Variants in PRKCA observed in about 807,000 individuals in gnomAD.
PRKCA encodes protein kinase C alpha, also known as protein kinase C alpha type.
PRKCA carries 27 observed loss-of-function variants against 87.0 expected under a neutral mutation model. The ratio of observed to expected loss-of-function variants is 0.31; its 90% CI spans 0.23 to 0.43. The LOEUF is 0.43. PRKCA is among the 20% of genes least tolerant of loss of function. The probability of loss-of-function intolerance (pLI) is 1.00; values close to 1 mark genes in which losing one functional copy is unlikely to be tolerated. For missense variants in PRKCA, 518 were observed against 852.3 expected, an observed-to-expected ratio of 0.61 and a Z score of 4.88; for synonymous variants, 329 against 311.1, an observed-to-expected ratio of 1.06 and a Z score of -0.61.
chr17:66,681,136 G>T (rs536440025), intron 5 of PRKCA, among the ~76,000 whole-genome samples: 1 of 152,144 alleles, frequency 6.6e-6, no homozygotes, highest in South Asian at 2.1e-4. Flanking sequence ...GGCTGACGCA[G>T]GAGACTCACT....
chr17:66,594,647 T>C (rs1969918819), intron 3 of PRKCA, among the ~76,000 whole-genome samples: 1 of 152,128 alleles, frequency 6.6e-6, no homozygotes, highest in Non-Finnish European at 1.5e-5. Flanking sequence ...TTTGGCACAT[T>C]TACAGTTAAA....
chr17:66,731,824 G>A (rs62072411), intron 8 of PRKCA, among the ~76,000 whole-genome samples: 8,504 of 115,808 alleles, frequency 0.073, 388 homozygotes, highest in African/African-American at 0.15. Context: ...TTGCTCTGTC[G>A]CCAGGCTGGA....
At chr17:66,649,635 A>G (rs11868939) in intron 5 of PRKCA, among the ~76,000 whole-genome samples, 1,750 of 152,214 alleles carry the variant, frequency 0.011, 13 homozygotes, top group Non-Finnish European at 0.02. Flanking sequence ...AGTCTCTCTT[A>G]TTAATTAGAG....
In PRKCA at chr17:66,702,268, G is replaced by A. The variant is rs188607855; in HGVS notation, c.918+13221G>A. ...TTTAAAAAGAAGAAACATTTGTAAC[G>A]CATGGATGAACCTGGAGGACATTAT... On this transcript the variant is annotated intron_variant, in intron 8 of 16. Transcript: ENST00000413366. Among the ~76,000 whole-genome samples the A allele has an allele frequency of 6.1e-3, 925 of 152,086 alleles. 26 individuals are homozygous for A. Among genetic ancestry groups the A allele is most frequent in the Admixed American group, 0.052 (801 of 15,280 alleles).
intron 3 of PRKCA, among the ~76,000 whole-genome samples, chr17:66,543,089 TATA>T (rs1296523160): frequency 1.3e-5 from 2 of 152,220 alleles, no homozygotes; most frequent in Non-Finnish European, 2.9e-5. Flanking sequence ...TTATAGTCAG[TATA>T]ATGTTTAATG....
chr17:66,433,538 G>GT (rs1397142862), intron 2 of PRKCA, among the ~76,000 whole-genome samples: 1 of 152,006 alleles, frequency 6.6e-6, no homozygotes, highest in Admixed American at 6.6e-5. Flanking sequence ...GATCTGAGGA[G>GT]TTTTTTTCAT....
intron 13 of PRKCA, among the ~76,000 whole-genome samples, chr17:66,765,958 C>A (rs1568021432): frequency 6.6e-6 from 1 of 152,216 alleles, no homozygotes; most frequent in Non-Finnish European, 1.5e-5. Context: ...CCCGTGTTAT[C>A]TGGTACACAA....
intron 3 of PRKCA, among the ~76,000 whole-genome samples, chr17:66,571,524 G>T (rs1045251962): frequency 6.6e-6 from 1 of 151,998 alleles, no homozygotes; most frequent in Admixed American, 6.6e-5. Context: ...TAATTTGGTG[G>T]AACCTTTAGT....
intron 2 of PRKCA, among the ~76,000 whole-genome samples, chr17:66,389,817 A>G (rs1201630777): frequency 6.6e-6 from 1 of 152,250 alleles, no homozygotes; most frequent in Non-Finnish European, 1.5e-5. Context: ...CATAGCCTTA[A>G]TGTTCTTTTT....
chr17:66,754,573 T>C (rs1974507933), intron 13 of PRKCA, among the ~76,000 whole-genome samples: 1 of 152,156 alleles, frequency 6.6e-6, no homozygotes, highest in African/African-American at 2.4e-5. Flanking sequence ...TTATAGTCAA[T>C]ATTACATTCT....
At chr17:66,796,318 G>A (rs1598951302) in intron 16 of PRKCA, 2 of 440,110 alleles carry the variant, frequency 4.5e-6, no homozygotes, top group Non-Finnish European at 6.0e-6. Flanking sequence ...CAATGTATCC[G>A]ACAGGTGTTT....
chr17:66,757,363 T>C (rs1042991124), intron 13 of PRKCA, among the ~76,000 whole-genome samples: 2 of 152,138 alleles, frequency 1.3e-5, no homozygotes, highest in African/African-American at 4.8e-5. Flanking sequence ...GAATGTCCCC[T>C]GAATTAATGT....
chr17:66,353,571 C>A (rs920136979), intron 2 of PRKCA, among the ~76,000 whole-genome samples: 15 of 152,208 alleles, frequency 9.9e-5, no homozygotes, highest in African/African-American at 3.6e-4. Context: ...CAAAAATTAG[C>A]CGGGTGTGGT....
intron 5 of PRKCA, among the ~76,000 whole-genome samples, chr17:66,653,453 T>C (rs188028271): frequency 2.6e-5 from 4 of 152,148 alleles, no homozygotes; most frequent in Non-Finnish European, 5.9e-5. Flanking sequence ...TAACCAGATG[T>C]GGTGGTGTGC....
intron 8 of PRKCA, among the ~76,000 whole-genome samples, chr17:66,724,021 T>C (rs1973680904): frequency 6.6e-6 from 1 of 152,202 alleles, no homozygotes; most frequent in Admixed American, 6.5e-5. Context: ...ATGTCCCAAC[T>C]GTCTTAGATC....
At chr17:66,393,750 C>T (rs1454282227) in intron 2 of PRKCA, among the ~76,000 whole-genome samples, 2 of 152,082 alleles carry the variant, frequency 1.3e-5, no homozygotes, top group Non-Finnish European at 2.9e-5. Context: ...GTGCAGCGCC[C>T]TCCCTGAGGG....
chr17:66,411,977 T>TA (rs1450495202), intron 2 of PRKCA, among the ~76,000 whole-genome samples: 1 of 150,544 alleles, frequency 6.6e-6, no homozygotes, highest in Non-Finnish European at 1.5e-5. Context: ...CACTGAGAGA[T>TA]CATTATTTTT....
At chr17:66,696,886 C>T (rs893207361) in intron 8 of PRKCA, among the ~76,000 whole-genome samples, 8 of 152,180 alleles carry the variant, frequency 5.3e-5, no homozygotes, top group Non-Finnish European at 8.8e-5. Flanking sequence ...TGAGTGCATA[C>T]GTGATCGAGA....
At chr17:66,441,911 A>G (rs1406105166) in intron 2 of PRKCA, among the ~76,000 whole-genome samples, 3 of 152,106 alleles carry the variant, frequency 2.0e-5, no homozygotes. Flanking sequence ...CACTCCACTA[A>G]TAAATGTGGG....
Sources: gnomAD v4.1 joint callset for allele counts (sites outside exome capture counted in the v4.1 genomes callset) on GRCh38, gnomAD v4.1.1 for gene constraint, MANE v1.5 for transcripts, NCBI Gene and HGNC (gene_info 2026-07-23, HGNC 2026-07-21) for gene names.